Variants in CASC3 observed in about 807,000 individuals in gnomAD.
The protein encoded by CASC3 is protein CASC3.
In CASC3, 30 loss-of-function variants were observed where a neutral mutation model predicts 80.5. The observed-to-expected ratio is 0.37, with a 90% CI of 0.28 to 0.51. The LOEUF is 0.51. Ranked by LOEUF, CASC3 falls within the 20% of genes least tolerant of loss-of-function variation. The probability of loss-of-function intolerance (pLI) is 0.94; values close to 1 mark genes in which losing one functional copy is unlikely to be tolerated. For missense variants in CASC3, 824 were observed against 922.2 expected (o/e 0.89, Z 1.38); for synonymous variants, 312 against 333.6 (o/e 0.94, Z 0.70).
At position 40,170,694 on chromosome 17, in the gene CASC3, T is replaced by A; in HGVS notation, c.*289T>A. 1.0e-6 allele frequency: 1 copy of A among 985,622 alleles called. No individual in the cohort carries two copies. The highest frequency in any genetic ancestry group is 1.7e-5 in the African/African-American group (1 of 57,380). 61.1% of individuals were successfully genotyped at this position (985,622 alleles called of 1,614,324 possible). A position where few individuals can be genotyped will look rare whatever the true frequency, so the allele number is the denominator to read the frequency against. ...ACAGCCCCAAGCTTCTGAGTCTAGATACAGAAGCCCATGTCTTCTGCTGTT... is the reference window on the plus strand; with the variant it reads ...ACAGCCCCAAGCTTCTGAGTCTAGAAACAGAAGCCCATGTCTTCTGCTGTT... On this transcript the variant is annotated 3_prime_UTR_variant, in exon 14 of 14. Coordinates refer to ENST00000264645, the MANE Select transcript of CASC3 (RefSeq NM_007359.5).
rs867610355 is a variant in CASC3 at position 40,141,422 on chromosome 17, G to T, written c.260-148G>T. On this transcript the variant is annotated intron_variant, in intron 2 of 13. Transcript: ENST00000264645. ...CTTCAGCAAGTTACCCTCTGAGCCT[G>T]TTTCTCCTTTTGTAAGTGGGGACTA... 5.4e-5 allele frequency: 46 copies of T among 845,290 alleles called. No individual in the cohort carries two copies. The Middle Eastern group carries it at 4.1e-3, about 76-fold the overall frequency. 52.4% of individuals were successfully genotyped at this position (845,290 alleles called of 1,614,324 possible).
intron 11 of CASC3, 161 bp downstream of exon 11, chr17:40,168,578 C>T: frequency 1.5e-6 from 1 of 653,808 alleles, no homozygotes; most frequent in Non-Finnish European, 2.6e-6. Context: ...GCTGGAAATG[C>T]AGCTTATGTA....
At chr17:40,143,086 CAAA>C (rs59510595) in intron 3 of CASC3, among the ~76,000 whole-genome samples, 1 of 109,130 alleles carries the variant, frequency 9.2e-6, no homozygotes, top group Non-Finnish European at 2.0e-5. Context: ...GACTCTGTCT[CAAA>C]AAAAAAAAAA....
At position 40,162,001 on chromosome 17, in the gene CASC3, G is replaced by A. The variant is rs200097668; in HGVS notation, c.457-1G>A. 1 of 1,613,614 alleles carries A rather than the reference G, an allele frequency of 6.2e-7. No homozygotes were observed. Among genetic ancestry groups the A allele is most frequent in the African/African-American group, 1.3e-5 (1 of 75,002 alleles). On this transcript the variant is annotated splice_acceptor_variant, in intron 4 of 13. Transcript: ENST00000264645. LOFTEE classifies it high-confidence loss of function. ...TAAGGATCCCTTTATCTGTCCTCTA[G>A]GAGAGCACAGAGCCTGTGGAGAACA...
intron 1 of CASC3, 44 bp from the exon 2 acceptor site, chr17:40,141,163 T>A (rs1230526606): frequency 6.3e-7 from 1 of 1,595,250 alleles, no homozygotes; most frequent in Non-Finnish European, 8.6e-7. Context: ...GCTCCCCACC[T>A]CTGGAAATCA....
intron 3 of CASC3, among the ~76,000 whole-genome samples, chr17:40,160,249 T>C (rs1264767865): frequency 2.6e-5 from 4 of 152,176 alleles, no homozygotes; most frequent in Non-Finnish European, 5.9e-5. Context: ...TCCCAGCCCT[T>C]TGGGAGGCCA....
chr17:40,140,982 TGGTA>T, intron 1 of CASC3: 1 of 635,486 alleles, frequency 1.6e-6, no homozygotes. Context: ...TCTGGGAGGA[TGGTA>T]GAGCCGCTGG....
chr17:40,147,486 T>C lies in CASC3; in HGVS notation c.297+5879T>C, dbSNP rs115263531. On this transcript the variant is annotated intron_variant, in intron 3 of 13. Transcript: ENST00000264645. Reference sequence around the variant, plus strand: ...AAATCCTGTCTCTACAAAAGAAAAGTAGAAAAAAAAATTATCCGGTCTTGG... The same window carrying C: ...AAATCCTGTCTCTACAAAAGAAAAGCAGAAAAAAAAATTATCCGGTCTTGG... Among the ~76,000 whole-genome samples the C allele has an allele frequency of 8.9e-3, 1,351 of 151,242 alleles. 26 individuals are homozygous for C. Among genetic ancestry groups the C allele is most frequent in the African/African-American group, 0.031 (1,261 of 41,208 alleles).
intron 3 of CASC3, among the ~76,000 whole-genome samples, chr17:40,155,711 C>T (rs1282614881): frequency 1.3e-5 from 2 of 152,206 alleles, no homozygotes; most frequent in African/African-American, 4.8e-5. Context: ...TGAGCTAAAA[C>T]TTCTGTATTA....
chr17:40,146,758 A>G (rs1428107242), intron 3 of CASC3, among the ~76,000 whole-genome samples: 1 of 151,778 alleles, frequency 6.6e-6, no homozygotes, highest in Admixed American at 6.6e-5. Context: ...TTTTTTAAAA[A>G]TATTTTTAAT....
Position 40,169,403 on chromosome 17 carries a change from G to C in CASC3, c.2045G>C (p.Arg682Pro). The C allele has an allele frequency of 6.2e-7, 1 of 1,611,762 alleles. No homozygotes were observed. The highest frequency in any genetic ancestry group is 8.5e-7 in the Non-Finnish European group (1 of 1,179,228). ...GTGCAGCCAAAGCCCTCCCCACCCC[G>C]GAGGACTCCCCAGCCAGTCACCATC... ...QQVQPKPSPP[R>P]RTPQPVTIKP... Residue 682 changes from arginine to proline, a missense_variant, in exon 12 of 14, where the codon CGG (arginine) becomes CCG (proline). Physicochemically the swap from Arg to Pro is moderately radical, Grantham distance 103. This residue lies in a region of CASC3 where 464 missense variants were observed against 506.0 expected (regional missense o/e 0.92). Transcript: ENST00000264645.
At position 40,170,648 on chromosome 17, in the gene CASC3, C is replaced by G; in HGVS notation, c.*243C>G. 1.0e-6 allele frequency: 1 copy of G among 985,514 alleles called. No homozygotes were observed. Among genetic ancestry groups the G allele is most frequent in the Non-Finnish European group, 1.2e-6 (1 of 829,950 alleles). 61.0% of individuals were successfully genotyped at this position (985,514 alleles called of 1,614,324 possible). On this transcript the variant is annotated 3_prime_UTR_variant, in exon 14 of 14. Coordinates refer to ENST00000264645, the MANE Select transcript of CASC3 (RefSeq NM_007359.5). ...ACTCTTCACTTGAGTTGGCTGTGTT[C>G]GGGGGAGCAGAGAGAGCCAGACAGC...
At chr17:40,161,730 G>A (rs763497655) in intron 3 of CASC3, 23 bp from the exon 4 acceptor site, 30 of 1,610,724 alleles carry the variant, frequency 1.9e-5, no homozygotes, top group Non-Finnish European at 2.4e-5. Context: ...TATATGCATC[G>A]CTGACAGGGA....
In CASC3 at chr17:40,166,873, G is replaced by GA. The variant is rs1375400106; in HGVS notation, c.1536+15dup. Reference sequence around the variant, plus strand: ...GGATGGAAGAAATGGTACAGAAGGGGAAAGGGGTAGATGGGGGAGGGAGCT... The same window carrying GA: ...GGATGGAAGAAATGGTACAGAAGGGGAAAAGGGGTAGATGGGGGAGGGAGCT... On this transcript the variant is annotated intron_variant, in intron 8 of 13. Coordinates refer to ENST00000264645, the MANE Select transcript of CASC3 (RefSeq NM_007359.5). 5.6e-6 allele frequency: 9 copies of GA among 1,600,260 alleles called. No individual in the cohort carries two copies. In the South Asian group the frequency reaches 6.7e-5, roughly 12 times the overall value.
rs750992050 is a variant in CASC3 at position 40,171,029 on chromosome 17, T to TA, written c.*624_*625insA. The TA allele has an allele frequency of 1.0e-6, 1 of 985,448 alleles. No individual in the cohort carries two copies. Among genetic ancestry groups the TA allele is most frequent in the Non-Finnish European group, 1.2e-6 (1 of 829,952 alleles). 61.0% of individuals were successfully genotyped at this position (985,448 alleles called of 1,614,324 possible). A position where few individuals can be genotyped will look rare whatever the true frequency, so the allele number is the denominator to read the frequency against. ...GCCTTTCACTTTTAGTTGGCATTTGTTATCCTCTTGTATACTTGTATTCCC... is the reference window on the plus strand; with the variant it reads ...GCCTTTCACTTTTAGTTGGCATTTGTATATCCTCTTGTATACTTGTATTCCC... On this transcript the variant is annotated 3_prime_UTR_variant, in exon 14 of 14. Transcript: ENST00000264645.
At chr17:40,169,480 G>A (rs1287472344) in intron 12 of CASC3, 34 bp downstream of exon 12, 1 of 1,588,904 alleles carries the variant, frequency 6.3e-7, no homozygotes, top group South Asian at 1.1e-5. Flanking sequence ...TAATGCACAT[G>A]CTCCGTCAGT....
chr17:40,164,535 C>T (rs1200718207), intron 7 of CASC3, among the ~76,000 whole-genome samples: 1 of 151,848 alleles, frequency 6.6e-6, no homozygotes, highest in Non-Finnish European at 1.5e-5. Flanking sequence ...GTAATGTCCA[C>T]CTCCGGGTTC....
intron 2 of CASC3, 165 bp from the exon 3 acceptor site, chr17:40,141,405 A>C: frequency 1.2e-6 from 1 of 833,590 alleles, no homozygotes. Context: ...GTCTTCAGCA[A>C]GTTACCCTCT....
Position 40,169,323 on chromosome 17 carries a change from G to T in CASC3, c.1966-1G>T. 1 of 1,580,082 alleles carries T rather than the reference G, an allele frequency of 6.3e-7. No homozygotes were observed. The highest frequency in any genetic ancestry group is 8.6e-7 in the Non-Finnish European group (1 of 1,165,550). On this transcript the variant is annotated splice_acceptor_variant, in intron 11 of 13. Coordinates refer to ENST00000264645, the MANE Select transcript of CASC3 (RefSeq NM_007359.5). LOFTEE classifies it high-confidence loss of function. ...TCTTCTCCTGGCTTGTGGGGTCCCA[G>T]GCCCCATCACAGGTATATGGAGGAG...
Sources: allele counts gnomAD v4.1 joint callset (sites outside exome capture counted in the v4.1 genomes callset), GRCh38; gene constraint gnomAD v4.1.1; regional missense constraint gnomAD v4.1.1; transcripts MANE v1.5; gene names NCBI Gene and HGNC (gene_info 2026-07-23, HGNC 2026-07-21).